Variants in IRX1 observed in about 807,000 individuals in gnomAD.
IRX1 encodes iroquois-class homeodomain protein IRX-1.
In IRX1, 22 loss-of-function variants were observed where a neutral mutation model predicts 34.1. The ratio of observed to expected loss-of-function variants is 0.64; its 90% confidence interval spans 0.46 to 0.92. The LOEUF (loss-of-function observed/expected upper bound fraction) is 0.92. Among genes scored for constraint, IRX1 ranks in the 40% least tolerant of loss-of-function variants. The pLI is 0.00. For synonymous variants in IRX1, 363 were observed against 319.0 expected (o/e 1.14, Z -1.47); for missense variants, 758 against 680.0 (o/e 1.11, Z -1.28).
chr5:3,596,317 CG>C lies in IRX1; in HGVS notation c.215del (p.Gly72AlafsTer27). Reference protein sequence around the residue: ...LGMYAAAGPYAGAPNYSAFLP... With the variant: ...LGMYAAAGPYXGAPNYSAFLP... The stretch of plus-strand genomic sequence containing the variant: ...ATGTACGCGGCGGCGGGGCCGTACG[CG>C]GGCGCGCCCAACTACAGCGCCTTCC... On this transcript the variant is annotated frameshift_variant, in exon 1 of 4. Coordinates refer to ENST00000302006, the MANE Select transcript of IRX1 (RefSeq NM_024337.4). LOFTEE classifies it high-confidence loss of function. The C allele has an allele frequency of 6.7e-7, 1 of 1,495,068 alleles. No homozygotes were observed. Among genetic ancestry groups the C allele is most frequent in the South Asian group, 1.3e-5 (1 of 76,590 alleles). 92.6% of individuals were successfully genotyped at this position (1,495,068 alleles called of 1,614,324 possible). A position where few individuals can be genotyped will look rare whatever the true frequency, so the allele number is the denominator to read the frequency against.
intron 1 of IRX1, among the ~76,000 whole-genome samples, chr5:3,598,682 G>C (rs1354010141): frequency 6.6e-6 from 1 of 152,224 alleles, no homozygotes; most frequent in Non-Finnish European, 1.5e-5. Context: ...GGCGGATTTA[G>C]ACCGGTAGAA....
Position 3,600,053 on chromosome 5 carries a change from G to C in IRX1, c.1105G>C (p.Gly369Arg), listed in dbSNP as rs762126923. 3.7e-6 allele frequency: 6 copies of C among 1,604,526 alleles called. No individual in the cohort carries two copies. Among genetic ancestry groups the C allele is most frequent in the African/African-American group, 1.3e-5 (1 of 74,752 alleles). Residue 369 changes from glycine to arginine, a missense_variant, in exon 2 of 4, where the codon GGC becomes CGC. This residue lies in a region of IRX1 where 529 missense variants were observed against 418.8 expected (regional missense o/e 1.26). Transcript: ENST00000302006. ...CCACGGACTGTACACCTGCCACATC[G>C]GCAAGTTCTCCAACTGGACCAACAG... ...PSHGLYTCHI[G>R]KFSNWTNSAF...
rs957109805 is a variant in IRX1, at chr5:3,595,972, G to A, written c.-134G>A. ...CCGGCCTCCATCTCCCGGCCCGCCC[G>A]AGCGCGCCCGGCCGGCCGCCCGCTC... is the stretch of plus-strand genomic sequence containing the variant. On this transcript the variant is annotated 5_prime_UTR_variant, in exon 1 of 4. Transcript: ENST00000302006. The A allele has an allele frequency of 2.3e-6, 1 of 434,934 alleles. No homozygotes were observed. The highest frequency in any genetic ancestry group is 3.1e-6 in the Non-Finnish European group (1 of 325,196). 26.9% of individuals were successfully genotyped at this position (434,934 alleles called of 1,614,324 possible). A position where few individuals can be genotyped will look rare whatever the true frequency, so the allele number is the denominator to read the frequency against.
rs754340761 is a variant in IRX1 at position 3,599,599 on chromosome 5, C to T, written c.651C>T (p.Ala217=). 6 of 1,614,042 alleles carry T rather than the reference C, an allele frequency of 3.7e-6. No individual in the cohort carries two copies. The highest frequency in any genetic ancestry group is 1.1e-5 in the South Asian group (1 of 91,070). The change falls in exon 2 of 4, where the codon GCC becomes GCT. Residue 217 remains alanine, a synonymous_variant. Coordinates refer to ENST00000302006, the MANE Select transcript of IRX1 (RefSeq NM_024337.4). This position sits in a 1 kb window ranked among gnomAD's most constrained non-coding sequence, Gnocchi z 6.6. ...ACACCGAGGGCGACCCGGAGAAGGC[C>T]GAGGACGACGAGGAGATCGACCTGG... The part of the protein sequence containing the change: ...GSDTEGDPEK[A]EDDEEIDLES...
intron 3 of IRX1, 88 bp downstream of exon 3, chr5:3,600,769 G>T: frequency 7.6e-7 from 1 of 1,315,210 alleles, no homozygotes; most frequent in South Asian, 1.2e-5. Context: ...TGGCTGGGTG[G>T]CGGTGGGGGT....
chr5:3,601,260 A>C lies in IRX1; in HGVS notation c.*220A>C, dbSNP rs1580013585. On this transcript the variant is annotated 3_prime_UTR_variant, in exon 4 of 4. Transcript: ENST00000302006. Reference sequence around the variant, plus strand: ...TCTGCCGGCGGCTCCAGTGGCTGCGATTATCGGGTTCGGTAAATGCCCCCA... The same window carrying C: ...TCTGCCGGCGGCTCCAGTGGCTGCGCTTATCGGGTTCGGTAAATGCCCCCA... 5.1e-6 allele frequency: 3 copies of C among 587,990 alleles called. No individual in the cohort carries two copies. In the South Asian group the frequency reaches 6.0e-5, roughly 12 times the overall value. The allele number at this position is 587,990 out of a possible 1,614,324, so 36.4% of individuals were successfully genotyped here.
chr5:3,600,339 G>A, intron 2 of IRX1, 79 bp downstream of exon 2: 1 of 1,343,730 alleles, frequency 7.4e-7, no homozygotes, highest in South Asian at 1.5e-5. Flanking sequence ...GTGGGGTGCA[G>A]CATGAGCCGG....
At chr5:3,597,548 C>T (rs919004480) in intron 1 of IRX1, among the ~76,000 whole-genome samples, 3 of 152,190 alleles carry the variant, frequency 2.0e-5, no homozygotes, top group African/African-American at 7.2e-5. Context: ...CTCTTACTAT[C>T]GAAAAAGATC....
rs764489050 is a variant in IRX1 at position 3,599,693 on chromosome 5, G to A, written c.745G>A (p.Ala249Thr). The change falls in exon 2 of 4, where the codon GCC (alanine) becomes ACC (threonine). Residue 249 changes from alanine (A) to threonine (T), a missense_variant. By Grantham distance (58) the Ala-to-Thr change is moderately conservative. Coordinates refer to ENST00000302006, the MANE Select transcript of IRX1 (RefSeq NM_024337.4). This position sits in a 1 kb window ranked among gnomAD's most constrained non-coding sequence, Gnocchi z 6.6. ...DQSNEDDEDK[A>T]EAPHAPAAPS... The stretch of plus-strand genomic sequence containing the variant: ...GAGCAACGAGGATGACGAGGACAAG[G>A]CCGAGGCTCCGCACGCGCCCGCAGC... The A allele has an allele frequency of 6.2e-7, 1 of 1,613,258 alleles. No individual in the cohort carries two copies. Among genetic ancestry groups the A allele is most frequent in the Non-Finnish European group, 8.5e-7 (1 of 1,180,006 alleles).
chr5:3,600,505 C>A, intron 2 of IRX1, 104 bp from the exon 3 acceptor site: 1 of 1,096,170 alleles, frequency 9.1e-7, no homozygotes, highest in East Asian at 2.5e-5. Flanking sequence ...TGACGTTTTT[C>A]GGCGAATCTG....
At position 3,599,238 on chromosome 5, in the gene IRX1, A is replaced by G. The variant is rs1334026284; in HGVS notation, c.290A>G (p.Glu97Gly). 1 of 1,613,026 alleles carries G rather than the reference A, an allele frequency of 6.2e-7. No homozygotes were observed. The highest frequency in any genetic ancestry group is 8.5e-7 in the Non-Finnish European group (1 of 1,179,580). ...SLFSQMGSQY[E>G]LKDNPGVHPA... ...CTGTGGCTTCAGGGCTCGCAGTATG[A>G]ACTGAAGGACAACCCTGGGGTGCAC... The change falls in exon 2 of 4, where the codon GAA becomes GGA. Residue 97 changes from glutamate to glycine, a missense_variant. Glu to Gly is a moderately conservative substitution (Grantham distance 98). Around this residue, in one of 3 missense-constraint regions of IRX1, gnomAD observed 195 missense variants for 195.0 expected, o/e 1.00. Transcript: ENST00000302006. The surrounding 1 kb of genome is among the most constrained non-coding windows in gnomAD (Gnocchi z 6.6).
rs373611174 is a variant in IRX1, at chr5:3,599,182, T to G, written c.277-43T>G. ...TCTCTCTCTCCCTTTCTCTCTCCAC[T>G]TCCCTCCTCTCTCTCCTCGATGGAT... On this transcript the variant is annotated intron_variant, in intron 1 of 3. Transcript: ENST00000302006. This position sits in a 1 kb window ranked among gnomAD's most constrained non-coding sequence, Gnocchi z 6.6. The G allele has an allele frequency of 6.4e-7, 1 of 1,562,472 alleles. No individual in the cohort carries two copies. Among genetic ancestry groups the G allele is most frequent in the Non-Finnish European group, 8.7e-7 (1 of 1,145,340 alleles).
At chr5:3,600,324 G>T in intron 2 of IRX1, 64 bp downstream of exon 2, 1 of 1,410,308 alleles carries the variant, frequency 7.1e-7, no homozygotes, top group Non-Finnish European at 9.4e-7. Flanking sequence ...GCTAGGTGTG[G>T]TAGCGTGGGG....
intron 1 of IRX1, among the ~76,000 whole-genome samples, chr5:3,598,841 A>T (rs565044456): frequency 6.6e-6 from 1 of 152,172 alleles, no homozygotes; most frequent in Non-Finnish European, 1.5e-5. Flanking sequence ...TTGGAAATGC[A>T]GGTTTCTCCA....
chr5:3,600,252 C>T lies in IRX1; in HGVS notation c.1304C>T (p.Thr435Met). 7.5e-6 allele frequency: 12 copies of T among 1,591,292 alleles called. No homozygotes were observed. The highest frequency in any genetic ancestry group is 2.2e-5 in the East Asian group (1 of 44,590). The stretch of plus-strand genomic sequence containing the variant: ...AAGGCCTCGGTCCGCAGCAGCCCCA[C>T]GCTCCCAGGTACAGCTCCAGGCCGC... ...GDKASVRSSP[T>M]LPERDLVPRP... Residue 435 changes from threonine to methionine, a missense_variant, in exon 2 of 4, where the codon ACG (threonine) becomes ATG (methionine). Coordinates refer to ENST00000302006, the MANE Select transcript of IRX1 (RefSeq NM_024337.4).
In IRX1 at chr5:3,596,281, C is replaced by T; in HGVS notation, c.176C>T (p.Ser59Leu). ...GGGAGAAAVT[S>L]VLGMYAAAGP... ...GGGGCAGGCGCGGCTGCAGTCACCT[C>T]GGTGCTGGGCATGTACGCGGCGGCG... The change falls in exon 1 of 4, where the codon TCG (serine) becomes TTG (leucine). Residue 59 changes from serine (S) to leucine (L), a missense_variant. Transcript: ENST00000302006. The T allele has an allele frequency of 1.5e-6, 2 of 1,326,748 alleles. No individual in the cohort carries two copies. Among genetic ancestry groups the T allele is most frequent in the Non-Finnish European group, 1.9e-6 (2 of 1,038,140 alleles). 82.2% of individuals were successfully genotyped at this position (1,326,748 alleles called of 1,614,324 possible).
intron 2 of IRX1, 66 bp from the exon 3 acceptor site, chr5:3,600,543 A>G: frequency 7.0e-7 from 1 of 1,421,084 alleles, no homozygotes; most frequent in African/African-American, 1.4e-5. Context: ...AGTTGGTGGG[A>G]AGGAGGCCTG....
Position 3,599,416 on chromosome 5 carries a change from C to T in IRX1, c.468C>T (p.Thr156=). Residue 156 remains threonine, a synonymous_variant, in exon 2 of 4, where the codon ACC becomes ACT. Transcript: ENST00000302006. This position sits in a 1 kb window ranked among gnomAD's most constrained non-coding sequence, Gnocchi z 6.6. ...LNEHRKNPYP[T]KGEKIMLAII... Reference sequence around the variant, plus strand: ...AGCACCGCAAGAATCCCTACCCCACCAAGGGCGAGAAGATCATGCTGGCCA... The same window carrying T: ...AGCACCGCAAGAATCCCTACCCCACTAAGGGCGAGAAGATCATGCTGGCCA... The T allele has an allele frequency of 6.2e-7, 1 of 1,614,100 alleles. No individual in the cohort carries two copies. Among genetic ancestry groups the T allele is most frequent in the Non-Finnish European group, 8.5e-7 (1 of 1,180,038 alleles).
chr5:3,599,106 C>A lies in IRX1; in HGVS notation c.277-119C>A. On this transcript the variant is annotated intron_variant, in intron 1 of 3. Transcript: ENST00000302006. This position sits in a 1 kb window ranked among gnomAD's most constrained non-coding sequence, Gnocchi z 6.6. ...CAAAGCGCCTGGGAGGCCCTCGAGT[C>A]CATTGAAGCGGCTGCTTCCCACTCT... The A allele has an allele frequency of 9.4e-7, 1 of 1,062,146 alleles. No individual in the cohort carries two copies. Among genetic ancestry groups the A allele is most frequent in the African/African-American group, 1.6e-5 (1 of 62,844 alleles). 65.8% of individuals were successfully genotyped at this position (1,062,146 alleles called of 1,614,324 possible).
Sources: gnomAD v4.1 joint callset for allele counts (sites outside exome capture counted in the v4.1 genomes callset) on GRCh38, gnomAD v4.1.1 for gene constraint, gnomAD v4.1.1 regional missense constraint, Gnocchi (gnomAD v3.1) non-coding constraint, MANE v1.5 for transcripts, NCBI Gene and HGNC (gene_info 2026-07-23, HGNC 2026-07-21) for gene names.